The following CNNM2 variants were observed in gnomAD, a reference collection of about 807,000 sequenced individuals.
CNNM2 encodes the protein metal transporter CNNM2.
A neutral mutation model predicts 66.9 loss-of-function variants in CNNM2; 12 were observed. That is an observed-to-expected ratio of 0.18 (90% CI 0.11 to 0.29). CNNM2 has a LOEUF of 0.29. Ranked by LOEUF, CNNM2 falls within the 10% of genes least tolerant of loss-of-function variation. CNNM2 has a pLI of 1.00. For missense variants in CNNM2, 705 were observed against 1,167.7 expected, an observed-to-expected ratio of 0.60 and a Z score of 5.77; for synonymous variants, 557 against 501.8, an observed-to-expected ratio of 1.11 and a Z score of -1.47.
At chr10:102,929,893 T>G (rs1846008740) in intron 1 of CNNM2, among the ~76,000 whole-genome samples, 1 of 152,202 alleles carries the variant, frequency 6.6e-6, no homozygotes, top group South Asian at 2.1e-4. Flanking sequence ...TTAACACTGA[T>G]TGCATAAAAA....
At chr10:102,923,040 C>T (rs1406070484) in intron 1 of CNNM2, among the ~76,000 whole-genome samples, 1 of 150,940 alleles carries the variant, frequency 6.6e-6, no homozygotes, top group Non-Finnish European at 1.5e-5. Context: ...CTGAGTTGTT[C>T]TTTATTAAAG....
At chr10:102,980,684 T>C (rs1017230371) in intron 1 of CNNM2, among the ~76,000 whole-genome samples, 1 of 152,368 alleles carries the variant, frequency 6.6e-6, no homozygotes, top group South Asian at 2.1e-4. Context: ...CCTGTTGTTA[T>C]AATTATCAGA....
intron 1 of CNNM2, among the ~76,000 whole-genome samples, chr10:102,944,044 C>A (rs907425506): frequency 6.0e-5 from 9 of 150,786 alleles, no homozygotes; most frequent in Non-Finnish European, 1.3e-4. Context: ...CCTCACATTT[C>A]TTAATTCTCT....
chr10:103,068,403 A>T lies in CNNM2; in HGVS notation c.2074-226A>T, dbSNP rs189773665. ...TTTAAGAATTATTTTAAAAATAAAC[A>T]TCACATTTACACTGTCACCTCTGTA... is the stretch of plus-strand genomic sequence containing the variant. On this transcript the variant is annotated intron_variant, in intron 4 of 7. Transcript: ENST00000369878. The T allele has an allele frequency of 1.1e-5, 5 of 465,594 alleles. No homozygotes were observed. In the Admixed American group the frequency reaches 1.4e-4, roughly 13 times the overall value. 28.8% of individuals were successfully genotyped at this position (465,594 alleles called of 1,614,324 possible).
chr10:102,935,373 G>T (rs1169750135), intron 1 of CNNM2, among the ~76,000 whole-genome samples: 1 of 151,738 alleles, frequency 6.6e-6, no homozygotes, highest in Non-Finnish European at 1.5e-5. Context: ...GAGGTGGGAG[G>T]ATCACTTGAG....
intron 1 of CNNM2, among the ~76,000 whole-genome samples, chr10:103,013,021 A>C (rs556392406): frequency 6.6e-6 from 1 of 152,292 alleles, no homozygotes; most frequent in African/African-American, 2.4e-5. Flanking sequence ...AGTGTGCTGC[A>C]AAAGACCTTC....
Position 102,946,584 on chromosome 10 carries a change from T to C in CNNM2, c.1621+26483T>C, listed in dbSNP as rs541086648. On this transcript the variant is annotated intron_variant, in intron 1 of 7. Coordinates refer to ENST00000369878, the MANE Select transcript of CNNM2 (RefSeq NM_017649.5). The stretch of plus-strand genomic sequence containing the variant: ...AAAGTATTGTTTTTTTAAAGATCTA[T>C]TCTTCCCTGCTTGTGCAACTCCTTT... Among the ~76,000 whole-genome samples, 378 of 152,290 alleles carry C rather than the reference T, an allele frequency of 2.5e-3. 2 individuals are homozygous for C. Among genetic ancestry groups the C allele is most frequent in the African/African-American group, 8.8e-3 (367 of 41,548 alleles).
At chr10:103,005,662 T>A (rs1255968127) in intron 1 of CNNM2, among the ~76,000 whole-genome samples, 2 of 151,882 alleles carry the variant, frequency 1.3e-5, no homozygotes, top group Non-Finnish European at 2.9e-5. Context: ...AAAAAAAAAA[T>A]TGATTTTTGT....
At chr10:103,000,600 C>T (rs545013115) in intron 1 of CNNM2, among the ~76,000 whole-genome samples, 9 of 151,960 alleles carry the variant, frequency 5.9e-5, no homozygotes, top group African/African-American at 1.5e-4. Context: ...ATTACAGGTG[C>T]GTGCCACCAC....
At chr10:102,956,062 C>T (rs202022959) in intron 1 of CNNM2, among the ~76,000 whole-genome samples, 3 of 151,874 alleles carry the variant, frequency 2.0e-5, no homozygotes, top group East Asian at 1.9e-4. Flanking sequence ...CTGAGGCGGG[C>T]GGATCACCAG....
At position 102,944,639 on chromosome 10, in the gene CNNM2, T is replaced by C. The variant is rs144001446; in HGVS notation, c.1621+24538T>C. ...GTGTACATCTTTTCTTCCTGGACCA[T>C]TGGTCATTTGAAAGTAGGTTGCAGA... On this transcript the variant is annotated intron_variant, in intron 1 of 7. Coordinates refer to ENST00000369878, the MANE Select transcript of CNNM2 (RefSeq NM_017649.5). Among the ~76,000 whole-genome samples the C allele has an allele frequency of 3.9e-3, 582 of 149,506 alleles. 3 individuals are homozygous for C. The highest frequency in any genetic ancestry group is 3.5e-3 in the Non-Finnish European group (234 of 67,508).
At chr10:102,947,106 T>A in intron 1 of CNNM2, among the ~76,000 whole-genome samples, 1 of 152,130 alleles carries the variant, frequency 6.6e-6, no homozygotes, top group East Asian at 1.9e-4. Context: ...AGTTTATAGT[T>A]ACTAACCCCA....
chr10:103,077,633 TC>T lies in CNNM2; in HGVS notation c.*455del, dbSNP rs1300602259. The T allele has an allele frequency of 6.3e-6, 1 of 159,978 alleles. No individual in the cohort carries two copies. Among genetic ancestry groups the T allele is most frequent in the African/African-American group, 2.4e-5 (1 of 41,640 alleles). 9.9% of individuals were successfully genotyped at this position (159,978 alleles called of 1,614,324 possible). A position where few individuals can be genotyped will look rare whatever the true frequency, so the allele number is the denominator to read the frequency against. On this transcript the variant is annotated 3_prime_UTR_variant, in exon 8 of 8. Coordinates refer to ENST00000369878, the MANE Select transcript of CNNM2 (RefSeq NM_017649.5). ...GACCCTGATGGGCTGGACTTGCCCC[TC>T]CGGTAGCCTTCCTTGGCCCTCCCAG...
chr10:103,046,962 CTTTG>C lies in CNNM2; in HGVS notation c.1622-2740_1622-2737del, dbSNP rs1015990895. Among the ~76,000 whole-genome samples, 7 of 152,098 alleles carry C rather than the reference CTTTG, an allele frequency of 4.6e-5. No individual in the cohort carries two copies. In the South Asian group the frequency reaches 6.2e-4, roughly 14 times the overall value. On this transcript the variant is annotated intron_variant, in intron 1 of 7. Transcript: ENST00000369878. ...GTAGACCTTTGGACTCTTACATTAA[CTTTG>C]TTTGGTCCGAAATCTTCTTTACAGA...
chr10:103,017,266 G>A (rs1348476140), intron 1 of CNNM2, among the ~76,000 whole-genome samples: 1 of 152,132 alleles, frequency 6.6e-6, no homozygotes, highest in Non-Finnish European at 1.5e-5. Flanking sequence ...GCTAGTAGAC[G>A]AATGCATGAA....
chr10:103,035,242 A>G (rs1190460549), intron 1 of CNNM2, among the ~76,000 whole-genome samples: 1 of 152,224 alleles, frequency 6.6e-6, no homozygotes, highest in African/African-American at 2.4e-5. Flanking sequence ...AAGGAAAGAC[A>G]GAAATAGTCT....
At chr10:102,993,213 TTATGTGA>T (rs2063928893) in intron 1 of CNNM2, among the ~76,000 whole-genome samples, 1 of 152,190 alleles carries the variant, frequency 6.6e-6, no homozygotes, top group South Asian at 2.1e-4. Context: ...GTTGAGAAAC[TTATGTGA>T]TATAAGGTTT....
chr10:103,003,366 A>G (rs1347972219), intron 1 of CNNM2, among the ~76,000 whole-genome samples: 1 of 152,130 alleles, frequency 6.6e-6, no homozygotes, highest in African/African-American at 2.4e-5. Flanking sequence ...CGCCTGCCTC[A>G]GCTTCCCAAA....
At chr10:102,923,280 G>T (rs1590252739) in intron 1 of CNNM2, among the ~76,000 whole-genome samples, 1 of 152,174 alleles carries the variant, frequency 6.6e-6, no homozygotes, top group South Asian at 2.1e-4. Flanking sequence ...TGATGATGGT[G>T]ATGATTATTA....
Sources: gnomAD v4.1 joint callset for allele counts (sites outside exome capture counted in the v4.1 genomes callset) on GRCh38, gnomAD v4.1.1 for gene constraint, MANE v1.5 for transcripts, NCBI Gene and HGNC (gene_info 2026-07-23, HGNC 2026-07-21) for gene names.